The following AHI1 variants were observed in gnomAD, a reference collection of about 807,000 sequenced individuals.
AHI1 encodes jouberin.
AHI1 carries 123 observed loss-of-function variants against 149.3 expected under a neutral mutation model. That is an observed-to-expected ratio of 0.82 (90% CI 0.71 to 0.96). The LOEUF is 0.96. Among genes scored for constraint, AHI1 ranks in the 40% least tolerant of loss-of-function variants. AHI1 has a pLI of 0.00. For synonymous variants in AHI1, 475 were observed against 459.8 expected (o/e 1.03, Z -0.42); for missense variants, 1,439 against 1,422.7 (o/e 1.01, Z -0.18).
At chr6:135,301,335 C>G in intron 26 of AHI1, 1 of 961,914 alleles carries the variant, frequency 1.0e-6, no homozygotes, top group Non-Finnish European at 1.2e-6. Flanking sequence ...AACAGATATA[C>G]CATATGTTCC....
intron 23 of AHI1, among the ~76,000 whole-genome samples, chr6:135,381,807 T>C (rs1447238650): frequency 6.6e-6 from 1 of 152,220 alleles, no homozygotes; most frequent in Admixed American, 6.5e-5. Context: ...ACTCCCCAGA[T>C]AGACTGGAAA....
At chr6:135,494,171 T>C (rs1795650064) in intron 3 of AHI1, among the ~76,000 whole-genome samples, 1 of 152,246 alleles carries the variant, frequency 6.6e-6, no homozygotes, top group Non-Finnish European at 1.5e-5. Context: ...TAGTTTAAAA[T>C]CCATGTCCTA....
At chr6:135,375,097 T>C (rs1775706692) in intron 23 of AHI1, among the ~76,000 whole-genome samples, 1 of 152,350 alleles carries the variant, frequency 6.6e-6, no homozygotes, top group South Asian at 2.1e-4. Flanking sequence ...GCTATAACTC[T>C]ATTGTAAGTC....
At chr6:135,362,436 G>A (rs1267965797) in intron 23 of AHI1, among the ~76,000 whole-genome samples, 1 of 152,096 alleles carries the variant, frequency 6.6e-6, no homozygotes. Context: ...GTTCTTTAAG[G>A]AATCTCCACA....
intron 7 of AHI1, among the ~76,000 whole-genome samples, chr6:135,465,495 G>A (rs1295834549): frequency 2.6e-5 from 4 of 152,182 alleles, no homozygotes; most frequent in Non-Finnish European, 5.9e-5. Flanking sequence ...GAAAGCAGAT[G>A]TAAGTGAGTA....
intron 14 of AHI1, among the ~76,000 whole-genome samples, chr6:135,440,946 G>A (rs1485129263): frequency 6.6e-6 from 1 of 152,056 alleles, no homozygotes; most frequent in Non-Finnish European, 1.5e-5. Flanking sequence ...ACAGGAAAGA[G>A]TGGCCCATAC....
At chr6:135,471,596 G>A (rs1217878838) in intron 5 of AHI1, among the ~76,000 whole-genome samples, 4 of 152,046 alleles carry the variant, frequency 2.6e-5, no homozygotes, top group East Asian at 1.9e-4. Flanking sequence ...ATTTTGAAAC[G>A]TCCCAAATAC....
At chr6:135,423,731 C>T (rs1273762253) in intron 20 of AHI1, among the ~76,000 whole-genome samples, 2 of 152,058 alleles carry the variant, frequency 1.3e-5, no homozygotes, top group Non-Finnish European at 2.9e-5. Context: ...TTTGTCTTGT[C>T]TAAGATACTA....
chr6:135,311,804 T>C (rs1439492772), intron 26 of AHI1, among the ~76,000 whole-genome samples: 1 of 152,242 alleles, frequency 6.6e-6, no homozygotes, highest in African/African-American at 2.4e-5. Context: ...TTGGTAAAAA[T>C]GTTCTGGAAT....
intron 25 of AHI1, among the ~76,000 whole-genome samples, chr6:135,320,034 G>C (rs1786566247): frequency 6.6e-6 from 1 of 152,164 alleles, no homozygotes; most frequent in Non-Finnish European, 1.5e-5. Context: ...TTCAGATAAA[G>C]ATCAAGGACA....
At chr6:135,421,107 T>C (rs1783086997) in intron 20 of AHI1, among the ~76,000 whole-genome samples, 1 of 152,042 alleles carries the variant, frequency 6.6e-6, no homozygotes. Context: ...CTGAAAACAT[T>C]TATCAATTAA....
chr6:135,360,356 C>T (rs1268686723), intron 23 of AHI1, among the ~76,000 whole-genome samples: 16 of 152,308 alleles, frequency 1.1e-4, no homozygotes, highest in Non-Finnish European at 1.0e-4. Context: ...GAGTAAAGCA[C>T]ACTGCCCTCC....
Position 135,465,988 on chromosome 6 carries a change from T to C in AHI1, c.575A>G (p.Tyr192Cys), listed in dbSNP as rs374604980. Residue 192 changes from tyrosine to cysteine, a missense_variant, in exon 7 of 29, where the codon TAT becomes TGT. By Grantham distance (194) the Tyr-to-Cys change is radical. Coordinates refer to ENST00000265602, the MANE Select transcript of AHI1 (RefSeq NM_001134831.2). ...LEEDEELMQA[Y>C]QCHVTEEMAK... ...CATTTCTTCAGTTACATGGCACTGA[T>C]ATGCTTGCATCAATTCTTCATCCTC... The C allele has an allele frequency of 1.7e-5, 28 of 1,613,874 alleles. No homozygotes were observed. Among genetic ancestry groups the C allele is most frequent in the Non-Finnish European group, 2.3e-5 (27 of 1,179,878 alleles).
At chr6:135,338,215 A>C (rs544412892) in intron 24 of AHI1, among the ~76,000 whole-genome samples, 2 of 150,074 alleles carry the variant, frequency 1.3e-5, no homozygotes, top group Non-Finnish European at 3.0e-5. Flanking sequence ...CAGGAGAATC[A>C]CTTGAACCTG....
intron 3 of AHI1, 123 bp from the exon 4 acceptor site, chr6:135,492,414 T>G: frequency 1.5e-6 from 2 of 1,309,716 alleles, no homozygotes; most frequent in Non-Finnish European, 2.0e-6. Flanking sequence ...CCAATAAAGC[T>G]ATGTTCCCTT....
At chr6:135,486,971 G>T (rs1191252797) in intron 5 of AHI1, among the ~76,000 whole-genome samples, 1 of 151,924 alleles carries the variant, frequency 6.6e-6, no homozygotes, top group Non-Finnish European at 1.5e-5. Flanking sequence ...TTATTATGTT[G>T]CCCAGGCTAG....
rs181874090 is a variant in AHI1, at chr6:135,389,137, T to C, written c.3109+5639A>G. Among the ~76,000 whole-genome samples the C allele has an allele frequency of 2.1e-3, 324 of 151,606 alleles. 2 individuals are homozygous for C. The highest frequency in any genetic ancestry group is 4.1e-3 in the African/African-American group (169 of 41,292). ...CATCCTGGCTAACATGGTGAAACCC[T>C]GTCTCTACTAAAAAACACAAAAAAT... On this transcript the variant is annotated intron_variant, in intron 23 of 28. Coordinates refer to ENST00000265602, the MANE Select transcript of AHI1 (RefSeq NM_001134831.2).
intron 23 of AHI1, among the ~76,000 whole-genome samples, chr6:135,386,004 GTAAC>G (rs1313175860): frequency 6.6e-6 from 1 of 152,170 alleles, no homozygotes; most frequent in Non-Finnish European, 1.5e-5. Flanking sequence ...ACTGTAGTGA[GTAAC>G]TGTCTACTTC....
intron 3 of AHI1, chr6:135,495,295 A>G (rs1795813571): frequency 6.6e-6 from 1 of 152,190 alleles, no homozygotes. Context: ...CACATTGAAA[A>G]AAATATCAAG....
Sources: gnomAD v4.1 joint callset for allele counts (sites outside exome capture counted in the v4.1 genomes callset) on GRCh38, gnomAD v4.1.1 for gene constraint, MANE v1.5 for transcripts, NCBI Gene and HGNC (gene_info 2026-07-23, HGNC 2026-07-21) for gene names.